The following TSNARE1 variants were observed in gnomAD, a reference collection of about 807,000 sequenced individuals.
TSNARE1 encodes t-SNARE domain-containing protein 1.
TSNARE1 carries 49 observed loss-of-function variants against 62.0 expected under a neutral mutation model. That is an observed-to-expected ratio of 0.79 (90% confidence interval 0.63 to 1.00). The LOEUF is 1.00. TSNARE1 is among the 50% of genes least tolerant of loss of function. The pLI is 0.00. For synonymous variants in TSNARE1, 328 were observed against 294.4 expected (o/e 1.11, Z -1.17); for missense variants, 755 against 700.1 (o/e 1.08, Z -0.88).
chr8:142,310,626 C>T (rs912707679), intron 9 of TSNARE1, among the ~76,000 whole-genome samples: 5 of 152,026 alleles, frequency 3.3e-5, no homozygotes, highest in Non-Finnish European at 7.3e-5. Context: ...AGTTATTTTT[C>T]TCATGCGTTT....
At chr8:142,314,979 C>T (rs1239466514) in intron 8 of TSNARE1, 24 bp downstream of exon 8, 2 of 1,612,856 alleles carry the variant, frequency 1.2e-6, no homozygotes, top group Admixed American at 1.7e-5. Context: ...CTGCAGACCC[C>T]CACTGCCCCC....
chr8:142,398,454 GC>G (rs1838057637), intron 1 of TSNARE1, among the ~76,000 whole-genome samples: 1 of 150,842 alleles, frequency 6.6e-6, no homozygotes, highest in South Asian at 2.1e-4. Flanking sequence ...CACAACCCCA[GC>G]AGAGTCAGCT....
rs764679589 is a variant in TSNARE1, at chr8:142,270,996, C to T, written c.1446+3785G>A. On this transcript the variant is annotated intron_variant, in intron 12 of 13. Transcript: ENST00000524325. ...TGTCCCGGTGCCCTGGAGACCCAGT[C>T]ACTGCCACCTCTCCCCTGCCTGGAC... The T allele has an allele frequency of 1.0e-5, 10 of 985,606 alleles. 1 individual carries two copies. In the Middle Eastern group the frequency reaches 2.6e-3, roughly 257 times the overall value. The allele number at this position is 985,606 out of a possible 1,614,324, so 61.1% of individuals were successfully genotyped here. A position where few individuals can be genotyped will look rare whatever the true frequency, so the allele number is the denominator to read the frequency against.
chr8:142,315,123 G>T (rs1246299624), intron 7 of TSNARE1, 31 bp from the exon 8 acceptor site: 1 of 1,612,376 alleles, frequency 6.2e-7, no homozygotes, highest in Non-Finnish European at 8.5e-7. Context: ...GCACGGCATG[G>T]GAGGCTTGGC....
At chr8:142,389,206 G>C (rs1205519010) in intron 1 of TSNARE1, among the ~76,000 whole-genome samples, 1 of 152,116 alleles carries the variant, frequency 6.6e-6, no homozygotes, top group Non-Finnish European at 1.5e-5. Context: ...AGATACAGAA[G>C]AATAACAGTG....
At chr8:142,247,503 G>A (rs952827570) in intron 12 of TSNARE1, 4 of 152,238 alleles carry the variant, frequency 2.6e-5, no homozygotes, top group Non-Finnish European at 5.9e-5. Context: ...TAACTTGTTT[G>A]ATTTCACAGC....
intron 12 of TSNARE1, among the ~76,000 whole-genome samples, chr8:142,260,640 C>T (rs749562433): frequency 6.6e-6 from 1 of 152,120 alleles, no homozygotes. Flanking sequence ...AGAGACCTCT[C>T]TGCATGTCTT....
At chr8:142,329,618 C>T (rs987644677) in intron 6 of TSNARE1, among the ~76,000 whole-genome samples, 2 of 152,230 alleles carry the variant, frequency 1.3e-5, no homozygotes, top group African/African-American at 2.4e-5. Flanking sequence ...AGAGGCCACA[C>T]GTTTCCTGAG....
intron 1 of TSNARE1, among the ~76,000 whole-genome samples, chr8:142,376,892 C>T (rs985372819): frequency 6.6e-6 from 1 of 152,208 alleles, no homozygotes; most frequent in Non-Finnish European, 1.5e-5. Context: ...GGCTGATCAG[C>T]AGAACCTGGG....
At chr8:142,243,595 G>A (rs917615737) in intron 12 of TSNARE1, among the ~76,000 whole-genome samples, 3 of 152,146 alleles carry the variant, frequency 2.0e-5, no homozygotes, top group South Asian at 2.1e-4. Flanking sequence ...AGCAGGGGCC[G>A]GGGGAGCAGG....
intron 10 of TSNARE1, among the ~76,000 whole-genome samples, chr8:142,294,757 G>T (rs984361676): frequency 1.3e-5 from 2 of 152,242 alleles, no homozygotes; most frequent in Non-Finnish European, 2.9e-5. Flanking sequence ...AGCTGCTGCT[G>T]CAGGGACGGG....
intron 1 of TSNARE1, among the ~76,000 whole-genome samples, chr8:142,399,820 C>T (rs1838154918): frequency 6.6e-6 from 1 of 152,172 alleles, no homozygotes; most frequent in South Asian, 2.1e-4. Flanking sequence ...TGGACTGGGC[C>T]ACAAGGTCAA....
rs1346146558 is a variant in TSNARE1, at chr8:142,318,579, T to A, written c.949A>T (p.Lys317Ter). Residue 317 changes from lysine to a stop codon, truncating the protein, a stop_gained, in exon 7 of 14, where the codon AAG becomes TAG. Coordinates refer to ENST00000524325, the MANE Select transcript of TSNARE1 (RefSeq NM_145003.5). LOFTEE classifies it high-confidence loss of function. ...CTGCGCAGCAGCTCGGCCATCTGCTTCACGGAGCTGGCGCTGGCTGCAATG... is the reference window on the plus strand; with the variant it reads ...CTGCGCAGCAGCTCGGCCATCTGCTACACGGAGCTGGCGCTGGCTGCAATG... ...KTIAASASSV[K>*]QMAELLRSSC... 6 of 1,613,438 alleles carry A rather than the reference T, an allele frequency of 3.7e-6. No individual in the cohort carries two copies. The highest frequency in any genetic ancestry group is 5.1e-6 in the Non-Finnish European group (6 of 1,179,962).
chr8:142,275,691 C>T, intron 11 of TSNARE1: 1 of 985,464 alleles, frequency 1.0e-6, no homozygotes, highest in Non-Finnish European at 1.2e-6. Flanking sequence ...TGCCTCCAAT[C>T]AGGCAACTGG....
chr8:142,252,812 G>C (rs1818240099), intron 12 of TSNARE1, among the ~76,000 whole-genome samples: 1 of 152,098 alleles, frequency 6.6e-6, no homozygotes, highest in Admixed American at 6.5e-5. Context: ...TGGCTCCCCT[G>C]TGGACCTGGC....
chr8:142,229,987 G>C (rs1007135016), intron 12 of TSNARE1, among the ~76,000 whole-genome samples: 1 of 152,214 alleles, frequency 6.6e-6, no homozygotes, highest in Non-Finnish European at 1.5e-5. Context: ...TTAAGGTGAT[G>C]CCTGGAAACT....
At chr8:142,264,923 T>C (rs1411283097) in intron 12 of TSNARE1, among the ~76,000 whole-genome samples, 1 of 152,238 alleles carries the variant, frequency 6.6e-6, no homozygotes, top group Non-Finnish European at 1.5e-5. Context: ...CTTCTTTGTG[T>C]TCTCGCCCTG....
chr8:142,268,464 G>A (rs187515383), intron 12 of TSNARE1, among the ~76,000 whole-genome samples: 235 of 152,280 alleles, frequency 1.5e-3, no homozygotes, highest in African/African-American at 5.3e-3. Context: ...CTGCCAAATC[G>A]CCTTGGAGGC....
rs761376900 is a variant in TSNARE1 at position 142,344,397 on chromosome 8, G to A, written c.314C>T (p.Ser105Leu). 11 of 1,587,006 alleles carry A rather than the reference G, an allele frequency of 6.9e-6. No homozygotes were observed. The highest frequency in any genetic ancestry group is 2.3e-5 in the South Asian group (2 of 87,548). The change falls in exon 4 of 14, where the codon TCG (serine) becomes TTG (leucine). Residue 105 changes from serine to leucine, a missense_variant. By Grantham distance (145) the Ser-to-Leu change is moderately radical (BLOSUM62 -2). Coordinates refer to ENST00000524325, the MANE Select transcript of TSNARE1 (RefSeq NM_145003.5). ...CATCCGGCCATGGGGCCCAGCAGCC[G>A]AGTCCTTCCTCGGGCCAATGGTGGG... ...SSPTIGPRKD[S>L]AAGPHGRMAG... is the part of the protein sequence containing the mutation.
Sources: allele counts gnomAD v4.1 joint callset (sites outside exome capture counted in the v4.1 genomes callset), GRCh38; gene constraint gnomAD v4.1.1; transcripts MANE v1.5; gene names NCBI Gene and HGNC (gene_info 2026-07-23, HGNC 2026-07-21).